TGFBR1: variants seen among roughly 807,000 people sequenced by gnomAD.
The protein encoded by TGFBR1 is TGF-beta receptor type-1.
A neutral mutation model predicts 55.1 loss-of-function variants in TGFBR1; 20 were observed. The ratio of observed to expected loss-of-function variants is 0.36; its 90% CI spans 0.26 to 0.53. The LOEUF is 0.53. Among genes scored for constraint, TGFBR1 ranks in the 20% least tolerant of loss-of-function variants. The pLI, the probability that TGFBR1 is intolerant of heterozygous loss-of-function variation, is 0.91. For missense variants in TGFBR1, 385 were observed against 617.6 expected, an observed-to-expected ratio of 0.62 and a Z score of 3.99; for synonymous variants, 220 against 214.8, an observed-to-expected ratio of 1.02 and a Z score of -0.21.
chr9:99,115,439 C>T (rs190617525), intron 1 of TGFBR1, among the ~76,000 whole-genome samples: 1 of 152,132 alleles, frequency 6.6e-6, no homozygotes, highest in East Asian at 1.9e-4. Flanking sequence ...ACAAATAGGT[C>T]CCCAGGGAAA....
chr9:99,124,028 T>C (rs1203370931), intron 1 of TGFBR1, among the ~76,000 whole-genome samples: 1 of 152,168 alleles, frequency 6.6e-6, no homozygotes, highest in Non-Finnish European at 1.5e-5. Flanking sequence ...TTAAATTTGA[T>C]CATCTTACTT....
intron 5 of TGFBR1, among the ~76,000 whole-genome samples, chr9:99,142,941 C>T (rs975896722): frequency 2.6e-5 from 4 of 152,056 alleles, no homozygotes; most frequent in Non-Finnish European, 4.4e-5. Flanking sequence ...CACCTGTAGT[C>T]CCAGCTACTC....
At chr9:99,116,585 G>A (rs1235600456) in intron 1 of TGFBR1, among the ~76,000 whole-genome samples, 1 of 152,072 alleles carries the variant, frequency 6.6e-6, no homozygotes, top group Non-Finnish European at 1.5e-5. Context: ...GATAGTCTTC[G>A]GTGTTGTATC....
intron 1 of TGFBR1, among the ~76,000 whole-genome samples, chr9:99,106,172 C>T (rs1442710479): frequency 6.6e-6 from 1 of 152,238 alleles, no homozygotes; most frequent in African/African-American, 2.4e-5. Flanking sequence ...ACATCACTCA[C>T]GTTGTTCCTT....
At chr9:99,113,239 AAGAG>A (rs754355483) in intron 1 of TGFBR1, among the ~76,000 whole-genome samples, 1 of 152,174 alleles carries the variant, frequency 6.6e-6, no homozygotes, top group African/African-American at 2.4e-5. Context: ...GCTGAGATAA[AAGAG>A]AGGAAGTTTC....
At chr9:99,108,803 T>C (rs916426941) in intron 1 of TGFBR1, among the ~76,000 whole-genome samples, 7 of 152,144 alleles carry the variant, frequency 4.6e-5, no homozygotes, top group African/African-American at 1.7e-4. Flanking sequence ...CTAAAAGCTA[T>C]AGTACATAGC....
rs1178346731 is a variant in TGFBR1 at position 99,144,783 on chromosome 9, A to G, written c.1025A>G (p.Lys342Arg). 2 of 1,614,056 alleles carry G rather than the reference A, an allele frequency of 1.2e-6. No homozygotes were observed. Among genetic ancestry groups the G allele is most frequent in the Non-Finnish European group, 8.5e-7 (1 of 1,179,942 alleles). ...RDLKSKNILVKKNGTCCIADL... is the reference protein window; with the variant it reads ...RDLKSKNILVRKNGTCCIADL... The stretch of plus-strand genomic sequence containing the variant: ...TTGAAATCAAAGAATATCTTGGTAA[A>G]GAAGAATGGAACTTGCTGTATTGCA... The change falls in exon 6 of 9, where the codon AAG becomes AGG. Residue 342 changes from lysine to arginine, a missense_variant. Physicochemically the swap from Lys to Arg is conservative, Grantham distance 26. Transcript: ENST00000374994.
intron 4 of TGFBR1, 72 bp downstream of exon 4, chr9:99,138,161 A>C: frequency 7.5e-7 from 1 of 1,326,148 alleles, no homozygotes; most frequent in Non-Finnish European, 1.1e-6. Context: ...TATGGTGACT[A>C]ACCATCATCA....
intron 1 of TGFBR1, 24 bp from the exon 2 acceptor site, chr9:99,128,830 TC>T: frequency 6.2e-7 from 1 of 1,613,110 alleles, no homozygotes; most frequent in Non-Finnish European, 8.5e-7. Flanking sequence ...TGAGATTTTT[TC>T]TAAGAATCTT....
intron 1 of TGFBR1, among the ~76,000 whole-genome samples, chr9:99,124,106 A>G (rs1826968400): frequency 6.6e-6 from 1 of 152,126 alleles, no homozygotes; most frequent in African/African-American, 2.4e-5. Flanking sequence ...AAGCTTTCTC[A>G]CCCTTATCTA....
rs11568746 is a variant in TGFBR1 at position 99,105,926 on chromosome 9, C to G, written c.97+624C>G. The stretch of plus-strand genomic sequence containing the variant: ...CCGCCCGGCTCGACCCGAGCCGACC[C>G]TGCTGGAAGGGGCTGCTCCTCCAGC... On this transcript the variant is annotated intron_variant, in intron 1 of 8. Coordinates refer to ENST00000374994, the MANE Select transcript of TGFBR1 (RefSeq NM_004612.4). Among the ~76,000 whole-genome samples, 5 of 152,376 alleles carry G rather than the reference C, an allele frequency of 3.3e-5. No individual in the cohort carries two copies. The East Asian group carries it at 9.7e-4, about 29-fold the overall frequency.
intron 4 of TGFBR1, 24 bp from the exon 5 acceptor site, chr9:99,142,512 C>A: frequency 6.2e-7 from 1 of 1,613,720 alleles, no homozygotes. Context: ...GCAGCCCAAC[C>A]GAAATGTTAA....
chr9:99,119,863 T>C, intron 1 of TGFBR1, among the ~76,000 whole-genome samples: 1 of 152,210 alleles, frequency 6.6e-6, no homozygotes, highest in Admixed American at 6.5e-5. Flanking sequence ...CACTGTTGTA[T>C]ATGCATATGG....
At position 99,149,860 on chromosome 9, in the gene TGFBR1, A is replaced by G. The variant is rs201606447; in HGVS notation, c.*555A>G. On this transcript the variant is annotated 3_prime_UTR_variant, in exon 9 of 9. Transcript: ENST00000374994. ...ACCTCATATAGTAGTGAGGAACATA[A>G]TTCATGCAATTGTATTTTGTATACT... 9.3e-6 allele frequency: 2 copies of G among 215,490 alleles called. No individual in the cohort carries two copies. Among genetic ancestry groups the G allele is most frequent in the Non-Finnish European group, 1.9e-5 (2 of 106,630 alleles). The allele number at this position is 215,490 out of a possible 1,614,324, so 13.3% of individuals were successfully genotyped here. A position where few individuals can be genotyped will look rare whatever the true frequency, so the allele number is the denominator to read the frequency against.
rs10625219 is a variant in TGFBR1 at position 99,134,802 on chromosome 9, TTATATATATATATATATATA to T, written c.574+2095_574+2114del. On this transcript the variant is annotated intron_variant, in intron 3 of 8. Coordinates refer to ENST00000374994, the MANE Select transcript of TGFBR1 (RefSeq NM_004612.4). ...AAACAATGGAATAATTCTGTTTCCA[TTATATATATATATATATATA>T]TATATATATATATATATATATATAT... Among the ~76,000 whole-genome samples the T allele has an allele frequency of 3.7e-3, 153 of 41,372 alleles. 2 individuals are homozygous for T. The highest frequency in any genetic ancestry group is 0.017 in the East Asian group (18 of 1,042). 27.1% of individuals were successfully genotyped at this position (41,372 alleles called of 152,430 possible). A position where few individuals can be genotyped will look rare whatever the true frequency, so the allele number is the denominator to read the frequency against.
chr9:99,119,094 G>A (rs1826830621), intron 1 of TGFBR1, among the ~76,000 whole-genome samples: 1 of 152,126 alleles, frequency 6.6e-6, no homozygotes, highest in Non-Finnish European at 1.5e-5. Flanking sequence ...GTTGTGTTCT[G>A]AGAAAAGGTG....
At chr9:99,121,142 A>G (rs1444625536) in intron 1 of TGFBR1, among the ~76,000 whole-genome samples, 2 of 152,182 alleles carry the variant, frequency 1.3e-5, no homozygotes, top group African/African-American at 2.4e-5. Flanking sequence ...ATTTATCTGG[A>G]AAAAAATCAG....
chr9:99,135,464 T>C (rs1827404837), intron 3 of TGFBR1, among the ~76,000 whole-genome samples: 1 of 152,242 alleles, frequency 6.6e-6, no homozygotes, highest in African/African-American at 2.4e-5. Context: ...GTTTATTACT[T>C]AGTACCGTGA....
At chr9:99,134,765 T>G (rs1827366454) in intron 3 of TGFBR1, among the ~76,000 whole-genome samples, 1 of 138,728 alleles carries the variant, frequency 7.2e-6, no homozygotes. Context: ...CCTTTTAAGA[T>G]ATAAACATGA....
Sources: gnomAD v4.1 joint callset for allele counts (sites outside exome capture counted in the v4.1 genomes callset) on GRCh38, gnomAD v4.1.1 for gene constraint, MANE v1.5 for transcripts, NCBI Gene and HGNC (gene_info 2026-07-23, HGNC 2026-07-21) for gene names.